The following KNTC1 variants were observed in gnomAD, a reference collection of about 807,000 sequenced individuals.
The protein encoded by KNTC1 is kinetochore-associated protein 1.
Under a neutral mutation model 314.4 loss-of-function variants are expected in KNTC1, and 253 were observed. That is an observed-to-expected ratio of 0.80 (90% CI 0.73 to 0.89). The LOEUF is 0.89. KNTC1 is among the 40% of genes least tolerant of loss of function. The pLI is 0.00. For synonymous variants in KNTC1, 901 were observed against 901.4 expected, an observed-to-expected ratio of 1.00 and a Z score of 0.01; for missense variants, 2,475 against 2,572.9, an observed-to-expected ratio of 0.96 and a Z score of 0.82.
At chr12:122,541,658 C>T (rs1412289756) in intron 5 of KNTC1, among the ~76,000 whole-genome samples, 1 of 132,244 alleles carries the variant, frequency 7.6e-6, no homozygotes, top group East Asian at 2.4e-4. Context: ...TTCTGTCTTT[C>T]TCTCTTTCTT....
At position 122,602,612 on chromosome 12, in the gene KNTC1, C is replaced by T; in HGVS notation, c.4697C>T (p.Ser1566Phe). 6.2e-7 allele frequency: 1 copy of T among 1,611,682 alleles called. No homozygotes were observed. The highest frequency in any genetic ancestry group is 8.5e-7 in the Non-Finnish European group (1 of 1,178,150). The change falls in exon 46 of 64, where the codon TCT becomes TTT. Residue 1566 changes from serine to phenylalanine, a missense_variant. Physicochemically the swap from Ser to Phe is radical, Grantham distance 155 (BLOSUM62 -2). Coordinates refer to ENST00000333479, the MANE Select transcript of KNTC1 (RefSeq NM_014708.6). ...LKHLKSYRRI[S>F]PPVDLEYQYM... ...CATTTGAAGTCATACAGAAGAATTT[C>T]TCCTCCCGTGGATCTAGAATATCAG...
intron 51 of KNTC1, among the ~76,000 whole-genome samples, chr12:122,606,217 G>A (rs991365906): frequency 8.4e-6 from 1 of 118,502 alleles, no homozygotes; most frequent in Admixed American, 8.4e-5. Flanking sequence ...TAAAGAGATT[G>A]TTTACTTTTT....
chr12:122,551,567 C>T (rs1963201229), intron 15 of KNTC1, 44 bp downstream of exon 15: 1 of 1,599,064 alleles, frequency 6.3e-7, no homozygotes, highest in Non-Finnish European at 8.6e-7. Context: ...TAGTGAATAA[C>T]TTAAATTCCC....
Position 122,542,110 on chromosome 12 carries a change from T to C in KNTC1, c.506T>C (p.Leu169Pro). ...SGFFCITNLQ[L>P]LKIQQAIENV... ...TTTTTTTGTATTACAAACCTTCAGC[T>C]TTTAAAAATTCAACAAGGTAAGTAA... Residue 169 changes from leucine to proline, a missense_variant, in exon 6 of 64, where the codon CTT becomes CCT. Physicochemically the swap from Leu to Pro is moderately conservative, Grantham distance 98. Coordinates refer to ENST00000333479, the MANE Select transcript of KNTC1 (RefSeq NM_014708.6). 1.3e-6 allele frequency: 2 copies of C among 1,514,206 alleles called. No homozygotes were observed. The highest frequency in any genetic ancestry group is 1.9e-5 in the Admixed American group (1 of 52,660). The allele number at this position is 1,514,206 out of a possible 1,614,324, so 93.8% of individuals were successfully genotyped here.
At chr12:122,544,666 G>A (rs900802723) in intron 8 of KNTC1, among the ~76,000 whole-genome samples, 1 of 152,174 alleles carries the variant, frequency 6.6e-6, no homozygotes, top group African/African-American at 2.4e-5. Flanking sequence ...CTAATAGGAA[G>A]TGTAATTACT....
In KNTC1 at chr12:122,618,363, G is replaced by A. The variant is rs771974853; in HGVS notation, c.6051G>A (p.Ala2017=). 29 of 1,613,616 alleles carry A rather than the reference G, an allele frequency of 1.8e-5. No individual in the cohort carries two copies. Among genetic ancestry groups the A allele is most frequent in the South Asian group, 2.2e-5 (2 of 91,034 alleles). The change falls in exon 58 of 64, where the codon GCG becomes GCA. Residue 2017 remains alanine, a synonymous_variant. Transcript: ENST00000333479. ...CACAGGTTCCCTACTTCAGCAAAGC[G>A]TGGCAGCGTGTGATACAGATACCAC... The part of the protein sequence containing the change: ...SLWQVPYFSK[A]WQRVIQIPLL...
intron 26 of KNTC1, 111 bp from the exon 27 acceptor site, chr12:122,574,171 T>G: frequency 1.7e-6 from 1 of 598,974 alleles, no homozygotes. Context: ...AGGTTTTTTT[T>G]CTTTTAACAC....
intron 2 of KNTC1, among the ~76,000 whole-genome samples, chr12:122,530,671 G>A (rs1233843340): frequency 6.6e-6 from 1 of 151,994 alleles, no homozygotes; most frequent in Non-Finnish European, 1.5e-5. Flanking sequence ...GGCTGGTCTT[G>A]AACTCCTGGC....
chr12:122,623,701 T>C (rs1874682271), intron 62 of KNTC1, among the ~76,000 whole-genome samples: 1 of 152,208 alleles, frequency 6.6e-6, no homozygotes, highest in African/African-American at 2.4e-5. Flanking sequence ...TAGGTCATTC[T>C]TGTGATACCC....
intron 20 of KNTC1, among the ~76,000 whole-genome samples, chr12:122,565,547 G>T: frequency 6.7e-6 from 1 of 149,326 alleles, no homozygotes; most frequent in Admixed American, 6.7e-5. Context: ...TCAGAAGTTT[G>T]TATTTTTATG....
Position 122,624,594 on chromosome 12 carries a change from G to A in KNTC1, c.6516-4G>A. The A allele has an allele frequency of 6.2e-7, 1 of 1,608,556 alleles. No individual in the cohort carries two copies. Among genetic ancestry groups the A allele is most frequent in the Non-Finnish European group, 8.5e-7 (1 of 1,175,930 alleles). ...AACACTTCTTTTTCTTTTTGATTTT[G>A]TAGTTTAGATGAAGCTTCAGTCTTG... On this transcript the variant is annotated splice_region_variant and splice_polypyrimidine_tract_variant and intron_variant, in intron 62 of 63. Transcript: ENST00000333479.
At chr12:122,603,303 CT>C in intron 48 of KNTC1, 60 bp downstream of exon 48, 1 of 1,132,818 alleles carries the variant, frequency 8.8e-7, no homozygotes, top group Non-Finnish European at 1.2e-6. Context: ...CTTTTTGCAT[CT>C]TTAAGGAGAA....
At position 122,530,111 on chromosome 12, in the gene KNTC1, G is replaced by A. The variant is rs369260288; in HGVS notation, c.48G>A (p.Gly16=). 4 of 1,613,626 alleles carry A rather than the reference G, an allele frequency of 2.5e-6. No individual in the cohort carries two copies. In the African/African-American group the frequency reaches 4.0e-5, roughly 16 times the overall value. The stretch of plus-strand genomic sequence containing the variant: ...TAACAAATGATGATACCGGAAGTGG[G>A]TACCTGAGTGTCGGTTCAAGAAAAG... ...ELLTNDDTGS[G]YLSVGSRKEH... is the part of the protein sequence containing the mutation. The change falls in exon 2 of 64, where the codon GGG becomes GGA. Residue 16 remains glycine (G), a synonymous_variant. Transcript: ENST00000333479.
Position 122,613,767 on chromosome 12 carries a change from T to G in KNTC1, c.5877+6T>G. On this transcript the variant is annotated splice_donor_region_variant and intron_variant, in intron 55 of 63. Transcript: ENST00000333479. The stretch of plus-strand genomic sequence containing the variant: ...ACCACAGCCACGAGTCCATGGTAGG[T>G]ACACCTCACTGCCCCATTCCCAATT... 6.3e-7 allele frequency: 1 copy of G among 1,597,814 alleles called. No homozygotes were observed. The highest frequency in any genetic ancestry group is 8.5e-7 in the Non-Finnish European group (1 of 1,174,746).
intron 44 of KNTC1, among the ~76,000 whole-genome samples, chr12:122,599,417 AT>A (rs1871527424): frequency 6.6e-6 from 1 of 151,356 alleles, no homozygotes; most frequent in Non-Finnish European, 1.5e-5. Context: ...CTGGAGTCTA[AT>A]GGCGCAGTCT....
chr12:122,600,020 A>G (rs932851989), intron 44 of KNTC1, among the ~76,000 whole-genome samples: 5 of 152,160 alleles, frequency 3.3e-5, no homozygotes, highest in Admixed American at 2.0e-4. Flanking sequence ...CTCTGTGTCA[A>G]AAATAAAAAG....
chr12:122,613,743 C>T lies in KNTC1; in HGVS notation c.5859C>T (p.Asn1953=). ...GAATGATTAAGGGTCTGTGGAAAAA[C>T]CACAGCCACGAGTCCATGGTAGGTA... ...KEGMIKGLWK[N]HSHESMAVRL... The change falls in exon 55 of 64, where the codon AAC becomes AAT. Residue 1953 remains asparagine (N), a synonymous_variant. Transcript: ENST00000333479. The T allele has an allele frequency of 6.2e-7, 1 of 1,610,192 alleles. No individual in the cohort carries two copies. Among genetic ancestry groups the T allele is most frequent in the Admixed American group, 1.7e-5 (1 of 59,236 alleles).
chr12:122,561,770 A>G, intron 18 of KNTC1, 151 bp from the exon 19 acceptor site: 1 of 592,290 alleles, frequency 1.7e-6, no homozygotes, highest in Non-Finnish European at 2.9e-6. Flanking sequence ...ATTATTTTAA[A>G]AAACATGTCA....
chr12:122,565,203 T>G (rs986836630), intron 20 of KNTC1, among the ~76,000 whole-genome samples: 5 of 151,822 alleles, frequency 3.3e-5, no homozygotes, highest in African/African-American at 1.2e-4. Context: ...CCTTTTGTTT[T>G]TCTCCTTACA....
Sources: gnomAD v4.1 joint callset for allele counts (sites outside exome capture counted in the v4.1 genomes callset) on GRCh38, gnomAD v4.1.1 for gene constraint, MANE v1.5 for transcripts, NCBI Gene and HGNC (gene_info 2026-07-23, HGNC 2026-07-21) for gene names.